The following MEIOB variants were observed in gnomAD, a reference collection of about 807,000 sequenced individuals.
MEIOB encodes meiosis-specific with OB domain-containing protein.
Under a neutral mutation model 53.1 loss-of-function variants are expected in MEIOB, and 50 were observed. The observed-to-expected ratio is 0.94, with a 90% confidence interval of 0.75 to 1.19. MEIOB has a LOEUF of 1.19. Ranked by LOEUF, MEIOB falls within the 50% of genes most tolerant of loss-of-function variation. MEIOB has a pLI of 0.00. For synonymous variants in MEIOB, 192 were observed against 182.5 expected, an observed-to-expected ratio of 1.05 and a Z score of -0.42; for missense variants, 551 against 550.8, an observed-to-expected ratio of 1.00 and a Z score of 0.00.
rs1223920881 is a variant in MEIOB at position 1,837,821 on chromosome 16, C to T, written c.1268G>A (p.Trp423Ter). The T allele has an allele frequency of 4.6e-6, 7 of 1,536,718 alleles. No individual in the cohort carries two copies. The highest frequency in any genetic ancestry group is 4.4e-6 in the Non-Finnish European group (5 of 1,139,660). The change falls in exon 13 of 14, where the codon TGG becomes TAG. Residue 423 changes from tryptophan (W) to a stop codon, truncating the protein, a stop_gained. Coordinates refer to ENST00000325962, the MANE Select transcript of MEIOB (RefSeq NM_001163560.3). LOFTEE classifies it high-confidence loss of function. ...MTDEQKTALK[W>*]QFLLERSKIY... is the part of the protein sequence containing the mutation. ...TTTGCTTCTTTCCAAGAGAAATTGC[C>T]ACTTTAATGCTGTTTTCTGTTCATC...
chr16:1,854,248 C>A, intron 6 of MEIOB, 48 bp from the exon 7 acceptor site: 1 of 1,096,670 alleles, frequency 9.1e-7, no homozygotes, highest in South Asian at 1.5e-5. Flanking sequence ...TGTAGAAGTT[C>A]TTAAGTATTT....
At chr16:1,840,185 A>G (rs1898864305) in intron 11 of MEIOB, 1 of 152,230 alleles carries the variant, frequency 6.6e-6, no homozygotes, top group Non-Finnish European at 1.5e-5. Flanking sequence ...TCAGATATCA[A>G]TAATAAATGT....
At chr16:1,849,227 T>C (rs950167928) in intron 9 of MEIOB, among the ~76,000 whole-genome samples, 5 of 151,802 alleles carry the variant, frequency 3.3e-5, no homozygotes, top group African/African-American at 1.2e-4. Context: ...AAGACCATCC[T>C]GGCCAACATG....
In MEIOB at chr16:1,839,355, AAGAC is replaced by A; in HGVS notation, c.1114_1117del (p.Val372PhefsTer7). On this transcript the variant is annotated frameshift_variant, in exon 12 of 14. Coordinates refer to ENST00000325962, the MANE Select transcript of MEIOB (RefSeq NM_001163560.3). LOFTEE classifies it high-confidence loss of function. ...ATCAATCAGCACATGGAAACTGAGA[AAGAC>A]AGATTTAAAGTCCAAGGAGTTTTTG... 6.2e-7 allele frequency: 1 copy of A among 1,614,218 alleles called. No homozygotes were observed. The highest frequency in any genetic ancestry group is 1.3e-5 in the African/African-American group (1 of 75,062).
At chr16:1,837,637 G>T in intron 13 of MEIOB, 147 bp downstream of exon 13, 1 of 484,068 alleles carries the variant, frequency 2.1e-6, no homozygotes, top group Non-Finnish European at 3.7e-6. Flanking sequence ...TATTTCCTTT[G>T]CTTTTAGGAT....
chr16:1,851,996 G>C (rs1899183003), intron 9 of MEIOB, among the ~76,000 whole-genome samples: 3 of 152,118 alleles, frequency 2.0e-5, no homozygotes, highest in Non-Finnish European at 4.4e-5. Context: ...ATTTCATGCT[G>C]TAATAAACTG....
At chr16:1,865,245 A>C (rs1899557173) in intron 3 of MEIOB, among the ~76,000 whole-genome samples, 1 of 152,194 alleles carries the variant, frequency 6.6e-6, no homozygotes, top group South Asian at 2.1e-4. Flanking sequence ...CAGCCTGGCC[A>C]AAATGGTGAA....
Position 1,837,889 on chromosome 16 carries a change from T to C in MEIOB, c.1219-19A>G. On this transcript the variant is annotated intron_variant, in intron 12 of 13. Coordinates refer to ENST00000325962, the MANE Select transcript of MEIOB (RefSeq NM_001163560.3). The stretch of plus-strand genomic sequence containing the variant: ...CATGTACCTGGTTAAAAAAAAAATA[T>C]GAGACAAATATATTTGAAGTTTACA... 1.3e-6 allele frequency: 2 copies of C among 1,486,334 alleles called. No homozygotes were observed. The highest frequency in any genetic ancestry group is 1.3e-5 in the South Asian group (1 of 75,278). The allele number at this position is 1,486,334 out of a possible 1,614,324, so 92.1% of individuals were successfully genotyped here.
intron 5 of MEIOB, 60 bp from the exon 6 acceptor site, chr16:1,857,990 C>T: frequency 9.1e-7 from 1 of 1,100,728 alleles, no homozygotes; most frequent in Non-Finnish European, 1.3e-6. Flanking sequence ...AAAAATATTT[C>T]CAGGTCCACA....
At chr16:1,845,569 GA>G (rs901107738) in intron 9 of MEIOB, among the ~76,000 whole-genome samples, 3 of 151,904 alleles carry the variant, frequency 2.0e-5, no homozygotes, top group African/African-American at 7.3e-5. Context: ...GAATATATAC[GA>G]AAAAATGATT....
intron 12 of MEIOB, 55 bp downstream of exon 12, chr16:1,839,200 G>T: frequency 1.4e-6 from 2 of 1,470,894 alleles, no homozygotes; most frequent in South Asian, 1.5e-5. Context: ...ATTTTTTTGG[G>T]AAAAAGCATT....
At chr16:1,854,295 C>A (rs1000010350) in intron 6 of MEIOB, 95 bp from the exon 7 acceptor site, 46 of 702,178 alleles carry the variant, frequency 6.6e-5, no homozygotes, top group Non-Finnish European at 9.7e-5. Context: ...CTTTTAAACA[C>A]CAAATTAGAA....
chr16:1,849,639 T>G (rs892163673), intron 9 of MEIOB, among the ~76,000 whole-genome samples: 2 of 151,114 alleles, frequency 1.3e-5, no homozygotes, highest in Admixed American at 6.6e-5. Flanking sequence ...GTTCGGCACA[T>G]GTATGCCAGA....
chr16:1,870,548 A>G (rs139854200), intron 1 of MEIOB, among the ~76,000 whole-genome samples: 1,746 of 152,334 alleles, frequency 0.011, 16 homozygotes, highest in South Asian at 0.043. Context: ...ATTACTAAAC[A>G]TTAATTTCCT....
chr16:1,863,361 G>T (rs34151293), intron 3 of MEIOB, among the ~76,000 whole-genome samples: 122,403 of 148,342 alleles, frequency 0.83, 50,565 homozygotes, highest in Middle Eastern at 0.9. Context: ...TTTGTTTTTT[G>T]TTTTTTTTTT....
Position 1,834,363 on chromosome 16 carries a change from C to A in MEIOB, c.1309G>T (p.Val437Phe). The part of the protein sequence containing the change: ...LERSKIYLKF[V>F]LSHRARSGLK... ...CCACTCCTTGCTCTGTGTGATAGAA[C>A]GAACTGCGAGGAGAAACAGAAAAAG... is the stretch of plus-strand genomic sequence containing the variant. Residue 437 changes from valine (V) to phenylalanine (F), a missense_variant, in exon 14 of 14, where the codon GTT (valine) becomes TTT (phenylalanine). Val to Phe is a conservative substitution (Grantham distance 50). Transcript: ENST00000325962. 1.9e-6 allele frequency: 3 copies of A among 1,561,606 alleles called. No homozygotes were observed. The highest frequency in any genetic ancestry group is 2.6e-6 in the Non-Finnish European group (3 of 1,137,034).
At position 1,863,917 on chromosome 16, in the gene MEIOB, T is replaced by C. The variant is rs146076269; in HGVS notation, c.128-1801A>G. On this transcript the variant is annotated intron_variant, in intron 3 of 13. Coordinates refer to ENST00000325962, the MANE Select transcript of MEIOB (RefSeq NM_001163560.3). Reference sequence around the variant, plus strand: ...GCTCCTGCCTATAATCCCGGCACCTTGGGAGGCCAAGGGGGTAAGATTGCT... The same window carrying C: ...GCTCCTGCCTATAATCCCGGCACCTCGGGAGGCCAAGGGGGTAAGATTGCT... Among the ~76,000 whole-genome samples the C allele has an allele frequency of 1.5e-4, 23 of 152,172 alleles. No homozygotes were observed. The East Asian group carries it at 4.4e-3, about 29-fold the overall frequency.
At chr16:1,859,212 G>C (rs982701730) in intron 5 of MEIOB, among the ~76,000 whole-genome samples, 1 of 152,222 alleles carries the variant, frequency 6.6e-6, no homozygotes, top group African/African-American at 2.4e-5. Context: ...TAGTCAAACA[G>C]ATGGGAGAAA....
intron 9 of MEIOB, among the ~76,000 whole-genome samples, chr16:1,845,882 C>T (rs896930468): frequency 1.3e-5 from 2 of 152,138 alleles, no homozygotes; most frequent in African/African-American, 4.8e-5. Context: ...CCCAGGCCCC[C>T]CTGAATATTT....
Sources: allele counts gnomAD v4.1 joint callset (sites outside exome capture counted in the v4.1 genomes callset), GRCh38; gene constraint gnomAD v4.1.1; transcripts MANE v1.5; gene names NCBI Gene and HGNC (gene_info 2026-07-23, HGNC 2026-07-21).